NIPAL2: variants seen among roughly 807,000 people sequenced by gnomAD.
The protein encoded by NIPAL2 is NIPA like domain containing 2.
Under a neutral mutation model 48.9 loss-of-function variants are expected in NIPAL2, and 43 were observed. That is an observed-to-expected ratio of 0.88 (90% confidence interval 0.69 to 1.13). The LOEUF (loss-of-function observed/expected upper bound fraction) is 1.13, where lower values mean the gene tolerates loss of function less well. NIPAL2 is among the 50% of genes most tolerant of loss of function. NIPAL2 has a pLI of 0.00. For synonymous variants in NIPAL2, 167 were observed against 174.6 expected, an observed-to-expected ratio of 0.96 and a Z score of 0.34; for missense variants, 446 against 461.4, an observed-to-expected ratio of 0.97 and a Z score of 0.31.
At chr8:98,239,544 T>G (rs1403274630) in intron 3 of NIPAL2, among the ~76,000 whole-genome samples, 3 of 152,230 alleles carry the variant, frequency 2.0e-5, no homozygotes, top group Non-Finnish European at 4.4e-5. Flanking sequence ...TATCAAATTA[T>G]ATCAATTGCT....
chr8:98,251,315 TTTATCTG>T (rs1813573135), intron 3 of NIPAL2, among the ~76,000 whole-genome samples: 1 of 152,174 alleles, frequency 6.6e-6, no homozygotes, highest in Non-Finnish European at 1.5e-5. Flanking sequence ...AACTAGATCT[TTTATCTG>T]TTATTTCCCA....
At chr8:98,272,569 G>A (rs557391044) in intron 1 of NIPAL2, among the ~76,000 whole-genome samples, 4 of 151,418 alleles carry the variant, frequency 2.6e-5, no homozygotes, top group African/African-American at 7.3e-5. Context: ...CAATTAATGC[G>A]TTTGTTCTTA....
chr8:98,211,435 C>T (rs899322825), intron 6 of NIPAL2, among the ~76,000 whole-genome samples: 2 of 152,138 alleles, frequency 1.3e-5, no homozygotes, highest in Non-Finnish European at 2.9e-5. Context: ...GCACAGAGTA[C>T]ATCTGTTTCT....
chr8:98,222,849 A>G (rs2514322), intron 4 of NIPAL2, among the ~76,000 whole-genome samples: 135,859 of 152,278 alleles, frequency 0.89, 60,868 homozygotes, highest in Non-Finnish European at 0.9. Context: ...TGTTCTGGAT[A>G]AATCCCAGCA....
chr8:98,253,746 C>T (rs771759415), intron 2 of NIPAL2, among the ~76,000 whole-genome samples: 5 of 152,186 alleles, frequency 3.3e-5, no homozygotes, highest in African/African-American at 4.8e-5. Flanking sequence ...CCATTAGACA[C>T]CGTCGGCCCC....
chr8:98,240,360 G>A (rs1273855529), intron 3 of NIPAL2, among the ~76,000 whole-genome samples: 1 of 152,030 alleles, frequency 6.6e-6, no homozygotes, highest in African/African-American at 2.4e-5. Context: ...AGGAAGATGC[G>A]GGCTCTCCTA....
At chr8:98,280,792 A>AGAGAGAGAGAGAGAGAG (rs1815783724) in intron 1 of NIPAL2, among the ~76,000 whole-genome samples, 10 of 139,462 alleles carry the variant, frequency 7.2e-5, no homozygotes, top group South Asian at 2.3e-4. Context: ...AGAGAGAGAG[A>AGAGAGAGAGAGAGAGAG]AAGCGAGAGA....
rs1339824313 is a variant in NIPAL2 at position 98,195,988 on chromosome 8, C to T, written c.898G>A (p.Glu300Lys). The T allele has an allele frequency of 6.3e-7, 1 of 1,588,408 alleles. No homozygotes were observed. ...GTGAGAAAAGGAGCACCAAGGAATT[C>T]CTGATAAAATATGATACCTGTAACA... is the stretch of plus-strand genomic sequence containing the variant. ...AIIAGIIFYQ[E>K]FLGAPFLTVF... is the part of the protein sequence containing the mutation. The change falls in exon 9 of 11, where the codon GAA becomes AAA. Residue 300 changes from glutamate (E) to lysine (K), a missense_variant. Glu to Lys is a moderately conservative substitution (Grantham distance 56). Transcript: ENST00000430223.
rs1811123233 is a variant in NIPAL2 at position 98,208,060 on chromosome 8, G to C, written c.656-2814C>G. ...ATTCCTGACTACAGCCACTGTGAAG[G>C]CTTGTGAAATATACTAGCAAACTGC... On this transcript the variant is annotated intron_variant, in intron 6 of 10. Transcript: ENST00000430223. Among the ~76,000 whole-genome samples, 3 of 152,142 alleles carry C rather than the reference G, an allele frequency of 2.0e-5. No homozygotes were observed. In the South Asian group the frequency reaches 6.2e-4, roughly 32 times the overall value.
At chr8:98,257,711 C>T (rs889846132) in intron 1 of NIPAL2, among the ~76,000 whole-genome samples, 2 of 152,130 alleles carry the variant, frequency 1.3e-5, no homozygotes, top group Non-Finnish European at 2.9e-5. Flanking sequence ...CTGATGAGAG[C>T]TCTGAAGCCT....
chr8:98,227,495 T>C (rs1241845402), intron 4 of NIPAL2, among the ~76,000 whole-genome samples: 5 of 152,104 alleles, frequency 3.3e-5, no homozygotes, highest in Non-Finnish European at 5.9e-5. Flanking sequence ...ACTAGGTCCT[T>C]CCCTTCAAGG....
intron 8 of NIPAL2, among the ~76,000 whole-genome samples, chr8:98,200,372 A>G (rs922051630): frequency 3.3e-5 from 5 of 152,234 alleles, no homozygotes; most frequent in African/African-American, 1.2e-4. Flanking sequence ...ATATAAGTGG[A>G]ATCATAGAAT....
chr8:98,259,204 G>A, intron 1 of NIPAL2, among the ~76,000 whole-genome samples: 1 of 147,884 alleles, frequency 6.8e-6, no homozygotes, highest in Non-Finnish European at 1.5e-5. Context: ...AGCCTCCCGT[G>A]TAGCTGGGAC....
chr8:98,222,720 A>G (rs922583542), intron 4 of NIPAL2, 120 bp from the exon 5 acceptor site: 1 of 924,066 alleles, frequency 1.1e-6, no homozygotes, highest in Non-Finnish European at 1.6e-6. Flanking sequence ...TCCCTATTAT[A>G]CTCCGTTTCA....
intron 8 of NIPAL2, among the ~76,000 whole-genome samples, chr8:98,201,680 T>G (rs939770505): frequency 3.9e-5 from 6 of 152,240 alleles, no homozygotes; most frequent in African/African-American, 1.4e-4. Context: ...TTTCTATGTC[T>G]CTTTTTGGCC....
intron 1 of NIPAL2, among the ~76,000 whole-genome samples, chr8:98,255,266 C>T (rs1313398505): frequency 6.6e-6 from 1 of 152,198 alleles, no homozygotes; most frequent in Non-Finnish European, 1.5e-5. Context: ...GCATTTGTTG[C>T]TCCCATCTAG....
chr8:98,235,213 A>G (rs1210014784), intron 4 of NIPAL2, among the ~76,000 whole-genome samples: 1 of 152,174 alleles, frequency 6.6e-6, no homozygotes, highest in African/African-American at 2.4e-5. Flanking sequence ...TAAAGTGCCT[A>G]AAGTATTTGT....
intron 1 of NIPAL2, among the ~76,000 whole-genome samples, chr8:98,277,559 T>C (rs771122689): frequency 5.3e-5 from 8 of 151,818 alleles, no homozygotes; most frequent in Non-Finnish European, 8.8e-5. Context: ...AAAAAGAATA[T>C]TTTCATCACC....
intron 4 of NIPAL2, among the ~76,000 whole-genome samples, chr8:98,228,379 C>T (rs1231285547): frequency 6.6e-6 from 1 of 152,116 alleles, no homozygotes; most frequent in Non-Finnish European, 1.5e-5. Context: ...TGTTCCTCAC[C>T]CGCAGAAATG....
Sources: gnomAD v4.1 joint callset for allele counts (sites outside exome capture counted in the v4.1 genomes callset) on GRCh38, gnomAD v4.1.1 for gene constraint, MANE v1.5 for transcripts, NCBI Gene and HGNC (gene_info 2026-07-23, HGNC 2026-07-21) for gene names.